TEX101: variants seen among roughly 807,000 people sequenced by gnomAD.
TEX101 encodes testis expressed 101, also known as testis-expressed protein 101.
Under a neutral mutation model 18.1 loss-of-function variants are expected in TEX101, and 10 were observed. The observed-to-expected ratio is 0.55, with a 90% CI of 0.34 to 0.94. The LOEUF is 0.94. Among genes scored for constraint, TEX101 ranks in the 40% least tolerant of loss-of-function variants. The pLI is 0.02. For missense variants in TEX101, 259 were observed against 298.9 expected, an observed-to-expected ratio of 0.87 and a Z score of 0.98; for synonymous variants, 94 against 114.8, an observed-to-expected ratio of 0.82 and a Z score of 1.16.
At chr19:43,395,793 C>T in the TEX101 span, among the ~76,000 whole-genome samples, 3 of 152,232 alleles carry the variant, frequency 2.0e-5, no homozygotes, top group African/African-American at 7.2e-5. Context: ...TGGGGAAATC[C>T]AGGCAGGAGC....
the TEX101 span, among the ~76,000 whole-genome samples, chr19:43,395,344 C>T: frequency 7.9e-5 from 12 of 152,338 alleles, no homozygotes; most frequent in East Asian, 2.1e-3. Context: ...TCAAAATAAT[C>T]CTTATACAAA....
At chr19:43,407,613 C>T (rs1970379358) in intron 3 of TEX101, among the ~76,000 whole-genome samples, 1 of 152,238 alleles carries the variant, frequency 6.6e-6, no homozygotes, top group Admixed American at 6.5e-5. Context: ...TGCCCAGTAC[C>T]ACAGGTCCCC....
In TEX101 at chr19:43,417,861, C is replaced by G; in HGVS notation, c.392-17C>G. 3.7e-6 allele frequency: 6 copies of G among 1,613,856 alleles called. No homozygotes were observed. Among genetic ancestry groups the G allele is most frequent in the Non-Finnish European group, 4.2e-6 (5 of 1,179,816 alleles). ...AGGCAGGACCTGCCCTTAACTGTCT[C>G]TCTCATTTCCCTCCAGCTTCCACTG... On this transcript the variant is annotated splice_polypyrimidine_tract_variant and intron_variant, in intron 4 of 5. Transcript: ENST00000598265.
chr19:43,398,810 G>A (rs549186418), upstream of TEX101, among the ~76,000 whole-genome samples: 1 of 152,240 alleles, frequency 6.6e-6, no homozygotes, highest in African/African-American at 2.4e-5. Flanking sequence ...ATCCCATTAA[G>A]CCAACAAGAT....
chr19:43,402,843 A>G (rs1346717993), exon 2 of TEX101: 1 of 152,178 alleles, frequency 6.6e-6, no homozygotes, highest in Admixed American at 6.5e-5. Flanking sequence ...TGGCCTCCCA[A>G]AGTGCTGGGA....
the TEX101 span, among the ~76,000 whole-genome samples, chr19:43,393,198 C>A: frequency 6.6e-6 from 1 of 152,050 alleles, no homozygotes; most frequent in Non-Finnish European, 1.5e-5. Flanking sequence ...ACAAAGTGAG[C>A]CACAGACACA....
At chr19:43,400,114 C>T (rs1204825639), upstream of TEX101, among the ~76,000 whole-genome samples, 2 of 152,196 alleles carry the variant, frequency 1.3e-5, no homozygotes, top group African/African-American at 4.8e-5. Context: ...CAAGCCCGGC[C>T]TCCTATGTCC....
At chr19:43,417,706 C>T (rs560242832) in intron 4 of TEX101, among the ~76,000 whole-genome samples, 172 bp from the exon 5 acceptor site, 2 of 152,274 alleles carry the variant, frequency 1.3e-5, no homozygotes, top group East Asian at 3.9e-4. Flanking sequence ...GAAGTCAGAT[C>T]GATGGAGATT....
intron 3 of TEX101, among the ~76,000 whole-genome samples, chr19:43,409,771 G>A (rs1193262337): frequency 6.6e-6 from 1 of 152,024 alleles, no homozygotes; most frequent in Admixed American, 6.6e-5. Flanking sequence ...CTCCATCTCT[G>A]TGGAAAAAAA....
the TEX101 span, among the ~76,000 whole-genome samples, chr19:43,393,103 G>GGAAGGAAGGAAGGAAAGAAA: frequency 6.9e-6 from 1 of 144,518 alleles, no homozygotes; most frequent in Admixed American, 7.0e-5. Context: ...AAGGAAGGAA[G>GGAAGGAAGGAAGGAAAGAAA]GAAAGAAAGA....
chr19:43,394,296 C>G, the TEX101 span, among the ~76,000 whole-genome samples: 1 of 152,016 alleles, frequency 6.6e-6, no homozygotes, highest in Non-Finnish European at 1.5e-5. Context: ...TCCCCGCTTC[C>G]CAGACAACTT....
At chr19:43,411,898 C>T (rs1970422651), upstream of TEX101, among the ~76,000 whole-genome samples, 1 of 152,092 alleles carries the variant, frequency 6.6e-6, no homozygotes, top group African/African-American at 2.4e-5. Flanking sequence ...CTCAGGTGAA[C>T]CACCCACCTT....
At chr19:43,407,144 A>C (rs1027477709) in intron 3 of TEX101, among the ~76,000 whole-genome samples, 1 of 152,004 alleles carries the variant, frequency 6.6e-6, no homozygotes, top group Non-Finnish European at 1.5e-5. Flanking sequence ...TCTTCCTATC[A>C]TTGGAAGACA....
upstream of TEX101, among the ~76,000 whole-genome samples, chr19:43,413,577 A>G (rs116916906): frequency 0.026 from 3,963 of 152,126 alleles, 66 homozygotes; most frequent in Middle Eastern, 0.099. Context: ...CTCCCGGCCA[A>G]ATAAACCTCT....
At chr19:43,408,447 A>T (rs1374953342) in intron 3 of TEX101, among the ~76,000 whole-genome samples, 1 of 151,886 alleles carries the variant, frequency 6.6e-6, no homozygotes, top group Admixed American at 6.6e-5. Context: ...GTAGGCGGGG[A>T]GGAGAAGAGG....
chr19:43,395,262 C>T, the TEX101 span, among the ~76,000 whole-genome samples: 37 of 152,282 alleles, frequency 2.4e-4, no homozygotes, highest in South Asian at 7.7e-3. Flanking sequence ...GAAATTTATG[C>T]TCTCTGCTTT....
the TEX101 span, among the ~76,000 whole-genome samples, chr19:43,395,808 G>A: frequency 2.6e-5 from 4 of 152,216 alleles, no homozygotes; most frequent in Admixed American, 2.0e-4. Flanking sequence ...AGGAGCCTCC[G>A]TGGCTCAGGT....
At chr19:43,406,399 G>C in exon 3 of TEX101, 1 of 717,310 alleles carries the variant, frequency 1.4e-6, no homozygotes, top group Non-Finnish European at 2.6e-6. Context: ...GGACAGGCTT[G>C]GCGGAACCTG....
At chr19:43,399,643 C>T (rs1480135671), upstream of TEX101, among the ~76,000 whole-genome samples, 1 of 152,002 alleles carries the variant, frequency 6.6e-6, no homozygotes, top group Non-Finnish European at 1.5e-5. Context: ...TCCCTAGCAA[C>T]CTCCAAAGTA....
Sources: gnomAD v4.1 joint callset for allele counts (sites outside exome capture counted in the v4.1 genomes callset) on GRCh38, gnomAD v4.1.1 for gene constraint, MANE v1.5 for transcripts, NCBI Gene and HGNC (gene_info 2026-07-23, HGNC 2026-07-21) for gene names.